Variants in DSCAM observed in about 807,000 individuals in gnomAD.
DSCAM encodes DS cell adhesion molecule, also known as cell adhesion molecule DSCAM.
In DSCAM, 47 loss-of-function variants were observed where a neutral mutation model predicts 217.7. That is an observed-to-expected ratio of 0.22 (90% confidence interval 0.17 to 0.28). The LOEUF is 0.28. Among genes scored for constraint, DSCAM ranks in the 10% least tolerant of loss-of-function variants. DSCAM has a pLI of 1.00. For synonymous variants in DSCAM, 1,056 were observed against 1,015.3 expected (o/e 1.04, Z -0.76); for missense variants, 2,080 against 2,618.3 (o/e 0.79, Z 4.49).
At chr21:40,330,352 T>G (rs1294464101) in intron 8 of DSCAM, among the ~76,000 whole-genome samples, 1 of 146,512 alleles carries the variant, frequency 6.8e-6, no homozygotes, top group Non-Finnish European at 1.5e-5. Flanking sequence ...TATTTATATA[T>G]AATAAATTAT....
intron 4 of DSCAM, among the ~76,000 whole-genome samples, chr21:40,361,888 A>C (rs1182158273): frequency 6.6e-6 from 1 of 152,132 alleles, no homozygotes; most frequent in South Asian, 2.1e-4. Context: ...AGTGTTTCTT[A>C]ATGCAGAGCT....
intron 15 of DSCAM, among the ~76,000 whole-genome samples, chr21:40,175,753 C>A (rs2090717447): frequency 1.4e-5 from 2 of 142,148 alleles, no homozygotes; most frequent in African/African-American, 2.6e-5. Flanking sequence ...TGGGTTTAAT[C>A]CAGCATATAT....
At chr21:40,114,285 C>G (rs879736720) in intron 20 of DSCAM, among the ~76,000 whole-genome samples, 3 of 148,186 alleles carry the variant, frequency 2.0e-5, no homozygotes, top group Non-Finnish European at 3.0e-5. Context: ...TGATCTTTGA[C>G]AAACCTGAGA....
At chr21:40,411,175 TACACACACACACACACAC>T (rs902494368) in intron 3 of DSCAM, among the ~76,000 whole-genome samples, 3 of 45,138 alleles carry the variant, frequency 6.6e-5, no homozygotes, top group Admixed American at 2.2e-4. Context: ...AGTAATTATA[TACACACACACACACACAC>T]ACACACACAC....
At chr21:40,600,756 C>A (rs1462671504) in intron 3 of DSCAM, among the ~76,000 whole-genome samples, 1 of 152,158 alleles carries the variant, frequency 6.6e-6, no homozygotes. Flanking sequence ...GTTTCTTTCA[C>A]ACATGGATTT....
rs1279376311 is a variant in DSCAM at position 40,013,123 on chromosome 21, T to G, written c.5950A>C (p.Lys1984Gln). The G allele has an allele frequency of 1.2e-6, 2 of 1,610,620 alleles. No individual in the cohort carries two copies. Among genetic ancestry groups the G allele is most frequent in the Non-Finnish European group, 8.5e-7 (1 of 1,177,850 alleles). ...AGTGATTCTTGGGAGCTGCTCATTT[T>G]AGCTGCCTGTCCCAGCTCTGCTCCC... The part of the protein sequence containing the change: ...REGAELGQAA[K>Q]MSSSQESLLD... The change falls in exon 33 of 33, where the codon AAA becomes CAA. Residue 1984 changes from lysine (K) to glutamine (Q), a missense_variant. Transcript: ENST00000400454.
intron 3 of DSCAM, among the ~76,000 whole-genome samples, chr21:40,486,279 T>C (rs1280777186): frequency 6.6e-6 from 1 of 152,184 alleles, no homozygotes; most frequent in African/African-American, 2.4e-5. Context: ...CACTACTCTC[T>C]CTATGACTTT....
At chr21:40,677,639 A>T (rs1461000662) in intron 3 of DSCAM, among the ~76,000 whole-genome samples, 1 of 152,130 alleles carries the variant, frequency 6.6e-6, no homozygotes, top group African/African-American at 2.4e-5. Context: ...GCCTCCCAAA[A>T]TTCATATGTT....
intron 3 of DSCAM, among the ~76,000 whole-genome samples, chr21:40,520,383 A>G (rs1000074507): frequency 6.6e-6 from 1 of 152,224 alleles, no homozygotes; most frequent in African/African-American, 2.4e-5. Flanking sequence ...TCCAGAAAAT[A>G]TGCTTTTCAT....
chr21:40,330,789 T>A (rs1325475997), intron 8 of DSCAM, among the ~76,000 whole-genome samples: 1 of 152,184 alleles, frequency 6.6e-6, no homozygotes, highest in Non-Finnish European at 1.5e-5. Flanking sequence ...TTCATTAGCT[T>A]TCTTTTCTCA....
chr21:40,266,657 AT>A (rs1569031955), intron 11 of DSCAM, among the ~76,000 whole-genome samples: 2,007 of 124,612 alleles, frequency 0.016, 170 homozygotes, highest in African/African-American at 0.061. Flanking sequence ...ATATATATAT[AT>A]ATATATATAT....
At chr21:40,531,433 C>T (rs1368040921) in intron 3 of DSCAM, among the ~76,000 whole-genome samples, 1 of 152,226 alleles carries the variant, frequency 6.6e-6, no homozygotes, top group African/African-American at 2.4e-5. Flanking sequence ...CCAGCACACC[C>T]CAGGGTCCCA....
intron 1 of DSCAM, among the ~76,000 whole-genome samples, chr21:40,760,437 G>A (rs2091321736): frequency 6.6e-6 from 1 of 152,188 alleles, no homozygotes; most frequent in African/African-American, 2.4e-5. Context: ...TTGCACAGGA[G>A]CCACAGGTCA....
At chr21:40,410,601 C>T (rs1002861374) in intron 3 of DSCAM, among the ~76,000 whole-genome samples, 1 of 149,286 alleles carries the variant, frequency 6.7e-6, no homozygotes, top group Non-Finnish European at 1.5e-5. Flanking sequence ...CTGCTGAAAG[C>T]CAGTCATGAA....
rs546574529 is a variant in DSCAM, at chr21:40,163,174, C to T, written c.3018+4044G>A. On this transcript the variant is annotated intron_variant, in intron 16 of 32. Transcript: ENST00000400454. ...TGCATCCAAAGAGGGTCAGCTGATTCTGAGACTGATTAGGAGAGAAGGTGA... is the reference window on the plus strand; with the variant it reads ...TGCATCCAAAGAGGGTCAGCTGATTTTGAGACTGATTAGGAGAGAAGGTGA... Among the ~76,000 whole-genome samples, 47 of 151,678 alleles carry T rather than the reference C, an allele frequency of 3.1e-4. 1 individual carries two copies. Among genetic ancestry groups the T allele is most frequent in the African/African-American group, 1.1e-3 (45 of 41,298 alleles).
At chr21:40,825,103 A>G (rs914066520) in intron 1 of DSCAM, among the ~76,000 whole-genome samples, 5 of 151,692 alleles carry the variant, frequency 3.3e-5, no homozygotes, top group African/African-American at 1.2e-4. Context: ...TCGTTAATAT[A>G]GTGTTTTTTT....
intron 3 of DSCAM, among the ~76,000 whole-genome samples, chr21:40,671,306 A>G (rs549762791): frequency 1.3e-5 from 2 of 152,358 alleles, no homozygotes; most frequent in Admixed American, 6.5e-5. Flanking sequence ...ACTTATAAGG[A>G]GAACAGATAA....
chr21:40,668,199 G>A lies in DSCAM; in HGVS notation c.508+24611C>T, dbSNP rs566290828. Among the ~76,000 whole-genome samples the A allele has an allele frequency of 1.1e-3, 172 of 150,646 alleles. 1 individual carries two copies. The highest frequency in any genetic ancestry group is 4.1e-3 in the African/African-American group (169 of 40,842). On this transcript the variant is annotated intron_variant, in intron 3 of 32. Coordinates refer to ENST00000400454, the MANE Select transcript of DSCAM (RefSeq NM_001389.5). The stretch of plus-strand genomic sequence containing the variant: ...TCACTTATTCAGCAAACACACTGCT[G>A]TACACTAGTCCCTGCACTGGGTGCT...
At chr21:40,078,510 T>A (rs2089401142) in intron 26 of DSCAM, among the ~76,000 whole-genome samples, 177 bp downstream of exon 26, 1 of 152,122 alleles carries the variant, frequency 6.6e-6, no homozygotes, top group Non-Finnish European at 1.5e-5. Context: ...GTGATGGTCA[T>A]CTGGATATAA....
Sources: allele counts gnomAD v4.1 joint callset (sites outside exome capture counted in the v4.1 genomes callset), GRCh38; gene constraint gnomAD v4.1.1; transcripts MANE v1.5; gene names NCBI Gene and HGNC (gene_info 2026-07-23, HGNC 2026-07-21).